Variants in GSE1 observed in about 807,000 individuals in gnomAD.
GSE1 encodes genetic suppressor element 1.
In GSE1, 32 loss-of-function variants were observed where a neutral mutation model predicts 112.6. The observed-to-expected ratio is 0.28, with a 90% CI of 0.21 to 0.38. The LOEUF is 0.38. Ranked by LOEUF, GSE1 falls within the 10% of genes least tolerant of loss-of-function variation. The pLI, the probability that GSE1 is intolerant of heterozygous loss-of-function variation, is 1.00. For missense variants in GSE1, 2,348 were observed against 1,699.2 expected (o/e 1.38, Z -6.71); for synonymous variants, 1,115 against 735.6 (o/e 1.52, Z -8.35).
Position 85,620,643 on chromosome 16 carries a change from T to C in GSE1, c.7+7245T>C, listed in dbSNP as rs146952707. Among the ~76,000 whole-genome samples, 876 of 152,378 alleles carry C rather than the reference T, an allele frequency of 5.7e-3. 9 individuals are homozygous for C. The highest frequency in any genetic ancestry group is 0.02 in the African/African-American group (827 of 41,600). ...CCCGTAACAGATAAGAAAACAGGGT[T>C]TCGGAATCAGCCCTTGTGGAATGCC... is the stretch of plus-strand genomic sequence containing the variant. On this transcript the variant is annotated intron_variant, in intron 1 of 15. Transcript: ENST00000253458.
chr16:85,626,378 C>A (rs2049069563), intron 1 of GSE1, among the ~76,000 whole-genome samples: 1 of 152,228 alleles, frequency 6.6e-6, no homozygotes, highest in Non-Finnish European at 1.5e-5. Context: ...GCAGGGTGAC[C>A]CGACCTCGTT....
chr16:85,672,744 A>G lies in GSE1; in HGVS notation c.*205A>G. ...ATTGAATCACCGTTGTCATTCAGCG[A>G]GCAACCAATGTAGGATTGCCCACAG... is the stretch of plus-strand genomic sequence containing the variant. On this transcript the variant is annotated 3_prime_UTR_variant, in exon 16 of 16. Transcript: ENST00000253458. 2.4e-6 allele frequency: 1 copy of G among 414,216 alleles called. No individual in the cohort carries two copies. The highest frequency in any genetic ancestry group is 3.6e-5 in the East Asian group (1 of 27,678). 25.7% of individuals were successfully genotyped at this position (414,216 alleles called of 1,614,324 possible). A position where few individuals can be genotyped will look rare whatever the true frequency, so the allele number is the denominator to read the frequency against.
At chr16:85,657,739 C>G (rs2052089669) in intron 8 of GSE1, 135 bp downstream of exon 8, 3 of 619,716 alleles carry the variant, frequency 4.8e-6, no homozygotes, top group Non-Finnish European at 8.0e-6. Flanking sequence ...GTTCTTTCAT[C>G]TTCACGTTAT....
At chr16:85,394,425 T>G (rs2047920433) in intron 2 of GSE1, among the ~76,000 whole-genome samples, 1 of 152,160 alleles carries the variant, frequency 6.6e-6, no homozygotes, top group Admixed American at 6.5e-5. Flanking sequence ...TTCTGTGATG[T>G]TCACAGGAAG....
chr16:85,310,536 C>T (rs1486826984), intron 1 of GSE1, among the ~76,000 whole-genome samples: 1 of 151,070 alleles, frequency 6.6e-6, no homozygotes, highest in Non-Finnish European at 1.5e-5. Flanking sequence ...CCTCCTTCTC[C>T]CCCACCTCTC....
chr16:85,192,820 G>C (rs1028951021), intron 1 of GSE1, among the ~76,000 whole-genome samples: 27 of 152,232 alleles, frequency 1.8e-4, no homozygotes, highest in African/African-American at 6.5e-4. Flanking sequence ...GAAGGCGATG[G>C]GGTCGAGGCA....
At chr16:85,392,074 G>T (rs779252088) in intron 2 of GSE1, among the ~76,000 whole-genome samples, 1 of 152,070 alleles carries the variant, frequency 6.6e-6, no homozygotes, top group Non-Finnish European at 1.5e-5. Flanking sequence ...TTCCTTCCCA[G>T]CCTCACCCCC....
intron 2 of GSE1, among the ~76,000 whole-genome samples, chr16:85,477,600 G>A (rs1222449456): frequency 1.1e-4 from 16 of 143,244 alleles, no homozygotes; most frequent in Non-Finnish European, 2.1e-4. Flanking sequence ...TCGCTCTGTC[G>A]CCCAGGCTGG....
At chr16:85,191,829 A>C (rs921788955) in intron 1 of GSE1, among the ~76,000 whole-genome samples, 1 of 152,136 alleles carries the variant, frequency 6.6e-6, no homozygotes, top group Non-Finnish European at 1.5e-5. Context: ...TTCTGGCTAG[A>C]AGATTTCCCT....
At chr16:85,481,122 G>A (rs2050668996) in intron 2 of GSE1, among the ~76,000 whole-genome samples, 1 of 151,838 alleles carries the variant, frequency 6.6e-6, no homozygotes, top group African/African-American at 2.4e-5. Context: ...GCCACGCCTC[G>A]CTTCTCTCCC....
At position 85,654,268 on chromosome 16, in the gene GSE1, C is replaced by T. The variant is rs766304381; in HGVS notation, c.427-10C>T. On this transcript the variant is annotated splice_polypyrimidine_tract_variant and intron_variant, in intron 3 of 15. Coordinates refer to ENST00000253458, the MANE Select transcript of GSE1 (RefSeq NM_014615.5). ...GGCTCCTGCCCTGACTGGACGCTCT[C>T]CTCCCGCAGGATGCCGGCTCCAGGA... The T allele has an allele frequency of 5.1e-6, 8 of 1,583,830 alleles. No homozygotes were observed. The Admixed American group carries it at 8.9e-5, about 18-fold the overall frequency.
intron 2 of GSE1, chr16:85,357,747 G>T: frequency 1.5e-6 from 1 of 665,776 alleles, no homozygotes; most frequent in Non-Finnish European, 2.2e-6. Flanking sequence ...GTTCCGCCTT[G>T]TGTCCTCGGC....
chr16:85,483,009 CTG>C (rs2050730180), intron 2 of GSE1, among the ~76,000 whole-genome samples: 1 of 147,894 alleles, frequency 6.8e-6, no homozygotes. Flanking sequence ...ACCAAACTCT[CTG>C]TGTAGCAGTG....
At chr16:85,661,116 C>T in intron 8 of GSE1, 30 bp from the exon 9 acceptor site, 1 of 1,533,628 alleles carries the variant, frequency 6.5e-7, no homozygotes, top group Non-Finnish European at 8.8e-7. Context: ...GTCTTTTCTC[C>T]CTGACTGAAG....
chr16:85,485,703 G>T (rs933501654), intron 2 of GSE1, among the ~76,000 whole-genome samples: 1 of 152,254 alleles, frequency 6.6e-6, no homozygotes, highest in Non-Finnish European at 1.5e-5. Context: ...CGAGGCGGCC[G>T]GCTGTGCATC....
chr16:85,244,719 A>G (rs11863630), intron 1 of GSE1, among the ~76,000 whole-genome samples: 8,490 of 151,960 alleles, frequency 0.056, 581 homozygotes, highest in African/African-American at 0.16. Context: ...GGCTGGGTGC[A>G]ATTGCTCACA....
At chr16:85,448,996 C>T (rs2049592054) in intron 2 of GSE1, among the ~76,000 whole-genome samples, 1 of 152,192 alleles carries the variant, frequency 6.6e-6, no homozygotes, top group African/African-American at 2.4e-5. Flanking sequence ...CCCTCACTCG[C>T]CTGAGCAGGA....
At chr16:85,349,994 C>T (rs2046821995) in intron 1 of GSE1, among the ~76,000 whole-genome samples, 1 of 152,190 alleles carries the variant, frequency 6.6e-6, no homozygotes, top group African/African-American at 2.4e-5. Flanking sequence ...TGACAGAGGA[C>T]ACATGCTGGC....
rs868133563 is a variant in GSE1, at chr16:85,523,779, G to A, written c.2465-110135G>A. 1.1e-4 allele frequency among the ~76,000 whole-genome samples: 17 copies of A among 152,358 alleles called. 1 individual carries two copies. In the Middle Eastern group the frequency reaches 0.02, roughly 183 times the overall value. On this transcript the variant is annotated intron_variant, in intron 2 of 2. Transcript: ENST00000637419. ...CCTGGTAGCTCAGTCTAGGTGTCACGTTTTCCCCAGGAGAGGGGCTGGCCC... is the reference window on the plus strand; with the variant it reads ...CCTGGTAGCTCAGTCTAGGTGTCACATTTTCCCCAGGAGAGGGGCTGGCCC...
Sources: gnomAD v4.1 joint callset for allele counts (sites outside exome capture counted in the v4.1 genomes callset) on GRCh38, gnomAD v4.1.1 for gene constraint, MANE v1.5 for transcripts, NCBI Gene and HGNC (gene_info 2026-07-23, HGNC 2026-07-21) for gene names.